DNM2: variants seen among roughly 807,000 people sequenced by gnomAD.
DNM2 encodes dynamin-2.
Under a neutral mutation model 99.0 loss-of-function variants are expected in DNM2, and 15 were observed. The ratio of observed to expected loss-of-function variants is 0.15; its 90% confidence interval spans 0.10 to 0.23. DNM2 has a LOEUF of 0.23. Ranked by LOEUF, DNM2 falls within the 10% of genes least tolerant of loss-of-function variation. DNM2 has a pLI of 1.00. For missense variants in DNM2, 742 were observed against 1,189.4 expected, an observed-to-expected ratio of 0.62 and a Z score of 5.53; for synonymous variants, 525 against 481.2, an observed-to-expected ratio of 1.09 and a Z score of -1.19.
Position 10,812,430 on chromosome 19 carries a change from G to T in DNM2, c.1671+53G>T. On this transcript the variant is annotated intron_variant, in intron 15 of 20. Coordinates refer to ENST00000389253, the MANE Select transcript of DNM2 (RefSeq NM_001005361.3). The surrounding 1 kb of genome is among the most constrained non-coding windows in gnomAD (Gnocchi z 4.0). Reference sequence around the variant, plus strand: ...TGGGGTAGGTGGGGCAGCCAGGGAAGAGCGGGTGGGCGCTCCCTCTGGGCA... The same window carrying T: ...TGGGGTAGGTGGGGCAGCCAGGGAATAGCGGGTGGGCGCTCCCTCTGGGCA... 1 of 1,468,428 alleles carries T rather than the reference G, an allele frequency of 6.8e-7. No individual in the cohort carries two copies. The highest frequency in any genetic ancestry group is 2.5e-5 in the East Asian group (1 of 40,532). The allele number at this position is 1,468,428 out of a possible 1,614,324, so 91.0% of individuals were successfully genotyped here.
In DNM2 at chr19:10,811,811, A is replaced by G; in HGVS notation, c.1558-453A>G. 1.9e-6 allele frequency: 1 copy of G among 517,900 alleles called. No homozygotes were observed. Among genetic ancestry groups the G allele is most frequent in the South Asian group, 1.4e-5 (1 of 71,258 alleles). 32.1% of individuals were successfully genotyped at this position (517,900 alleles called of 1,614,324 possible). ...CCACCAGGCTTGCAGCCAGCTTGGG[A>G]CATGAGCCGCGCTCCTTCAATGTCC... On this transcript the variant is annotated intron_variant, in intron 14 of 20. Coordinates refer to ENST00000389253, the MANE Select transcript of DNM2 (RefSeq NM_001005361.3). This position sits in a 1 kb window ranked among gnomAD's most constrained non-coding sequence, Gnocchi z 5.4.
intron 5 of DNM2, 40 bp from the exon 6 acceptor site, chr19:10,782,920 C>T (rs1397925599): frequency 3.7e-6 from 6 of 1,613,506 alleles, no homozygotes; most frequent in Non-Finnish European, 5.1e-6. Context: ...CCACTTGGCT[C>T]ACCTAGCTTT....
chr19:10,797,476 G>A lies in DNM2; in HGVS notation c.1293G>A (p.Val431=). The A allele has an allele frequency of 6.5e-7, 1 of 1,529,482 alleles. No homozygotes were observed. The highest frequency in any genetic ancestry group is 8.8e-7 in the Non-Finnish European group (1 of 1,139,906). 94.7% of individuals were successfully genotyped at this position (1,529,482 alleles called of 1,614,324 possible). ...CGAGTTTGAAGTGTGTTGATCTCGT[G>A]GTCTCAGAGCTGGCCACGGTCATAA... ...KEPSLKCVDL[V]VSELATVIKK... is the part of the protein sequence containing the mutation. The change falls in exon 10 of 21, where the codon GTG becomes GTA. Residue 431 remains valine, a synonymous_variant. Transcript: ENST00000389253.
In DNM2 at chr19:10,812,846, A is replaced by C. The variant is rs762169596; in HGVS notation, c.1671+469A>C. On this transcript the variant is annotated intron_variant, in intron 15 of 20. Coordinates refer to ENST00000389253, the MANE Select transcript of DNM2 (RefSeq NM_001005361.3). The surrounding 1 kb of genome is among the most constrained non-coding windows in gnomAD (Gnocchi z 4.0). Reference sequence around the variant, plus strand: ...AACCCAGGGCTGGAGAGCAGCCACCATGTGCCAAAAGGCTTACATTGTACC... The same window carrying C: ...AACCCAGGGCTGGAGAGCAGCCACCCTGTGCCAAAAGGCTTACATTGTACC... Among the ~76,000 whole-genome samples, 10 of 152,220 alleles carry C rather than the reference A, an allele frequency of 6.6e-5. No individual in the cohort carries two copies. The highest frequency in any genetic ancestry group is 1.0e-4 in the Non-Finnish European group (7 of 68,038).
rs897961120 is a variant in DNM2 at position 10,799,534 on chromosome 19, GTTTT to G, written c.1422+976_1422+979del. ...GGTGCTTTTTGTGTTGTGGTTTTTT[GTTTT>G]TTTTTTTTTTTTTGAGACAGAGTTT... On this transcript the variant is annotated intron_variant, in intron 11 of 20. Transcript: ENST00000389253. Among the ~76,000 whole-genome samples, 310 of 106,502 alleles carry G rather than the reference GTTTT, an allele frequency of 2.9e-3. 3 individuals are homozygous for G. Among genetic ancestry groups the G allele is most frequent in the African/African-American group, 0.011 (304 of 26,992 alleles). 69.9% of individuals were successfully genotyped at this position (106,502 alleles called of 152,430 possible).
intron 1 of DNM2, among the ~76,000 whole-genome samples, chr19:10,751,906 C>A (rs1459917408): frequency 6.6e-6 from 1 of 152,252 alleles, no homozygotes; most frequent in Non-Finnish European, 1.5e-5. Context: ...GGGTGCTTGT[C>A]CTTGGCCAGT....
Position 10,786,712 on chromosome 19 carries a change from TACCCCGGCACCC to T in DNM2, c.992+10_992+21del. 1 of 1,613,902 alleles carries T rather than the reference TACCCCGGCACCC, an allele frequency of 6.2e-7. No individual in the cohort carries two copies. The highest frequency in any genetic ancestry group is 8.5e-7 in the Non-Finnish European group (1 of 1,179,964). ...AAAACCAAAGCCCTGCTGCAGTATG[TACCCCGGCACCC>T]ACCACCACCACCACCCTGGCCCCTG... On this transcript the variant is annotated splice_region_variant and intron_variant, in intron 7 of 20. Transcript: ENST00000389253.
In DNM2 at chr19:10,772,423, A is replaced by G; in HGVS notation, c.236-56A>G. ...AACAAAGCATTTCTCCCCGCAGTCCATGCGCACCCTGCCCACAGCTCTTTC... is the reference window on the plus strand; with the variant it reads ...AACAAAGCATTTCTCCCCGCAGTCCGTGCGCACCCTGCCCACAGCTCTTTC... On this transcript the variant is annotated intron_variant, in intron 2 of 20. Transcript: ENST00000389253. The surrounding 1 kb of genome is among the most constrained non-coding windows in gnomAD (Gnocchi z 4.9). 6.2e-7 allele frequency: 1 copy of G among 1,608,562 alleles called. No individual in the cohort carries two copies. Among genetic ancestry groups the G allele is most frequent in the South Asian group, 1.1e-5 (1 of 90,994 alleles).
rs200836962 is a variant in DNM2 at position 10,735,795 on chromosome 19, TTAAC to T, written c.161+17393_161+17396del. Among the ~76,000 whole-genome samples, 971 of 152,196 alleles carry T rather than the reference TTAAC, an allele frequency of 6.4e-3. 16 individuals carry two copies. The highest frequency in any genetic ancestry group is 0.022 in the African/African-American group (924 of 41,516). ...TCCCAAAGTGCTGGGATTACAGGCATTAACCACTGTGCCCGGCCTTTTCTGGCAC... is the reference window on the plus strand; with the variant it reads ...TCCCAAAGTGCTGGGATTACAGGCATCACTGTGCCCGGCCTTTTCTGGCAC... On this transcript the variant is annotated intron_variant, in intron 1 of 20. Transcript: ENST00000389253.
intron 1 of DNM2, among the ~76,000 whole-genome samples, chr19:10,753,910 G>A (rs966652153): frequency 6.6e-6 from 1 of 152,060 alleles, no homozygotes; most frequent in African/African-American, 2.4e-5. Context: ...ACCCACCTCG[G>A]CCTCTGAAAG....
intron 2 of DNM2, among the ~76,000 whole-genome samples, chr19:10,769,070 C>T (rs1433047668): frequency 6.6e-6 from 1 of 152,150 alleles, no homozygotes; most frequent in African/African-American, 2.4e-5. Flanking sequence ...CGATGGCGCC[C>T]ACTGCCCCTG....
chr19:10,783,146 T>C, intron 6 of DNM2, 26 bp downstream of exon 6: 1 of 1,606,012 alleles, frequency 6.2e-7, no homozygotes, highest in Non-Finnish European at 8.5e-7. Context: ...GCACGTAGTG[T>C]GCAGTGGCAT....
At position 10,772,689 on chromosome 19, in the gene DNM2, T is replaced by G; in HGVS notation, c.385+61T>G. ...TTCTGGTCGTTCATGGACAGTGCTA[T>G]GGGTGAGCCTGTGTACTTCCACTCA... On this transcript the variant is annotated intron_variant, in intron 3 of 20. Transcript: ENST00000389253. This position sits in a 1 kb window ranked among gnomAD's most constrained non-coding sequence, Gnocchi z 4.9. The G allele has an allele frequency of 6.2e-7, 1 of 1,608,750 alleles. No homozygotes were observed.
At chr19:10,731,819 C>A (rs2069331139) in intron 1 of DNM2, among the ~76,000 whole-genome samples, 1 of 152,356 alleles carries the variant, frequency 6.6e-6, no homozygotes, top group East Asian at 1.9e-4. Flanking sequence ...CAGACGGAAG[C>A]CCGGCTTCTG....
chr19:10,766,971 G>A (rs1220992874), intron 2 of DNM2, among the ~76,000 whole-genome samples: 1 of 152,146 alleles, frequency 6.6e-6, no homozygotes, highest in Non-Finnish European at 1.5e-5. Flanking sequence ...GACAGTGGGG[G>A]TGTGTGTGGA....
intron 1 of DNM2, among the ~76,000 whole-genome samples, chr19:10,731,928 G>T (rs191824423): frequency 3.3e-5 from 5 of 152,164 alleles, no homozygotes; most frequent in African/African-American, 1.2e-4. Context: ...TCCCAGCACT[G>T]GGTGAAAATT....
At chr19:10,750,656 C>T (rs1238543832) in intron 1 of DNM2, among the ~76,000 whole-genome samples, 1 of 151,962 alleles carries the variant, frequency 6.6e-6, no homozygotes, top group Non-Finnish European at 1.5e-5. Flanking sequence ...TAAGGCCGGG[C>T]GCGGTGGCTC....
At position 10,764,066 on chromosome 19, in the gene DNM2, G is replaced by A. The variant is rs925538838; in HGVS notation, c.235+4255G>A. Among the ~76,000 whole-genome samples the A allele has an allele frequency of 6.6e-6, 1 of 152,152 alleles. No homozygotes were observed. The highest frequency in any genetic ancestry group is 1.5e-5 in the Non-Finnish European group (1 of 68,020). On this transcript the variant is annotated intron_variant, in intron 2 of 20. Coordinates refer to ENST00000389253, the MANE Select transcript of DNM2 (RefSeq NM_001005361.3). The surrounding 1 kb of genome is among the most constrained non-coding windows in gnomAD (Gnocchi z 4.1). ...GAGGAGAGGAAAATGAACACATTGCGGGCATCAGTGATTGCTGGGGCCGGC... is the reference window on the plus strand; with the variant it reads ...GAGGAGAGGAAAATGAACACATTGCAGGCATCAGTGATTGCTGGGGCCGGC...
At chr19:10,757,872 G>A (rs1218103517) in intron 1 of DNM2, among the ~76,000 whole-genome samples, 1 of 150,468 alleles carries the variant, frequency 6.6e-6, no homozygotes, top group Non-Finnish European at 1.5e-5. Flanking sequence ...TTGAACCCGA[G>A]GCAGAGGTTG....
Sources: allele counts gnomAD v4.1 joint callset (sites outside exome capture counted in the v4.1 genomes callset), GRCh38; gene constraint gnomAD v4.1.1; non-coding constraint Gnocchi (gnomAD v3.1); transcripts MANE v1.5; gene names NCBI Gene and HGNC (gene_info 2026-07-23, HGNC 2026-07-21).